The following TLL1 variants were observed in gnomAD, a reference collection of about 807,000 sequenced individuals.
TLL1 encodes the protein tolloid-like protein 1.
In TLL1, 49 loss-of-function variants were observed where a neutral mutation model predicts 128.2. That is an observed-to-expected ratio of 0.38 (90% CI 0.30 to 0.48). TLL1 has a LOEUF of 0.48. TLL1 is among the 20% of genes least tolerant of loss of function. The pLI, the probability that TLL1 is intolerant of heterozygous loss-of-function variation, is 0.96. For synonymous variants in TLL1, 454 were observed against 418.8 expected (o/e 1.08, Z -1.03); for missense variants, 1,123 against 1,242.0 (o/e 0.90, Z 1.44).
At chr4:166,088,702 T>C (rs1035094824) in intron 18 of TLL1, among the ~76,000 whole-genome samples, 2 of 152,128 alleles carry the variant, frequency 1.3e-5, no homozygotes, top group African/African-American at 4.8e-5. Context: ...CTTTGACTAA[T>C]ATGACTCTTA....
chr4:166,057,751 T>G (rs1369043482), intron 14 of TLL1, among the ~76,000 whole-genome samples: 1 of 152,134 alleles, frequency 6.6e-6, no homozygotes, highest in East Asian at 1.9e-4. Context: ...CCAGAAAGCA[T>G]GTGCAGGGGA....
intron 1 of TLL1, among the ~76,000 whole-genome samples, chr4:165,968,392 T>G (rs1427280188): frequency 6.6e-6 from 1 of 152,180 alleles, no homozygotes; most frequent in Non-Finnish European, 1.5e-5. Context: ...CTTTTTCTAT[T>G]CCTATTGCCA....
At chr4:165,970,001 C>G (rs932877853) in intron 1 of TLL1, among the ~76,000 whole-genome samples, 1 of 151,998 alleles carries the variant, frequency 6.6e-6, no homozygotes, top group African/African-American at 2.4e-5. Context: ...CTGTGTAACT[C>G]TAAGGAAATT....
At position 166,083,717 on chromosome 4, in the gene TLL1, AT is replaced by A. The variant is rs1741384743; in HGVS notation, c.2442+5690del. On this transcript the variant is annotated intron_variant, in intron 18 of 20. Transcript: ENST00000061240. ...CACCCATGTTGTTACAAATGACAAG[AT>A]TTCCTTCATTTTGTGGCTGAATATT... is the stretch of plus-strand genomic sequence containing the variant. Among the ~76,000 whole-genome samples, 2 of 65,564 alleles carry A rather than the reference AT, an allele frequency of 3.1e-5. 1 individual carries two copies. Among genetic ancestry groups the A allele is most frequent in the Non-Finnish European group, 9.9e-5 (2 of 20,274 alleles). The allele number at this position is 65,564 out of a possible 152,430, so 43.0% of individuals were successfully genotyped here.
chr4:165,998,065 G>A (rs1736965130), intron 5 of TLL1, among the ~76,000 whole-genome samples: 2 of 152,150 alleles, frequency 1.3e-5, no homozygotes, highest in Admixed American at 6.5e-5. Context: ...GGTAAGAGAG[G>A]AGGTTCTCTA....
At chr4:166,002,973 C>A (rs979976284) in intron 5 of TLL1, among the ~76,000 whole-genome samples, 6 of 151,876 alleles carry the variant, frequency 4.0e-5, no homozygotes, top group Non-Finnish European at 8.8e-5. Context: ...AAGTAGTAAC[C>A]TAAGTAATTA....
intron 12 of TLL1, among the ~76,000 whole-genome samples, chr4:166,052,279 A>C (rs1257791748): frequency 6.6e-6 from 1 of 152,114 alleles, no homozygotes; most frequent in Non-Finnish European, 1.5e-5. Flanking sequence ...ATATGAAGCA[A>C]TGTAATATTA....
At chr4:166,015,961 A>G (rs1737921251) in intron 8 of TLL1, among the ~76,000 whole-genome samples, 1 of 151,894 alleles carries the variant, frequency 6.6e-6, no homozygotes, top group Non-Finnish European at 1.5e-5. Flanking sequence ...AGCTGTATGT[A>G]AAACTTTTTG....
intron 18 of TLL1, among the ~76,000 whole-genome samples, chr4:166,083,292 AC>A (rs984877281): frequency 3.2e-5 from 4 of 123,256 alleles, no homozygotes; most frequent in African/African-American, 1.0e-4. Context: ...GCATGTATTT[AC>A]CATGTACAAT....
intron 10 of TLL1, among the ~76,000 whole-genome samples, chr4:166,040,678 A>T (rs1020678879): frequency 2.6e-5 from 4 of 152,158 alleles, no homozygotes; most frequent in Non-Finnish European, 5.9e-5. Flanking sequence ...CTTGGCTCTC[A>T]CTCTATATCC....
chr4:165,918,894 C>G (rs1732904594), intron 1 of TLL1, among the ~76,000 whole-genome samples: 1 of 152,104 alleles, frequency 6.6e-6, no homozygotes, highest in African/African-American at 2.4e-5. Flanking sequence ...TCCAGTGTAC[C>G]TCAACTGGAC....
At chr4:166,025,941 C>T (rs919691687) in intron 9 of TLL1, among the ~76,000 whole-genome samples, 11 of 151,788 alleles carry the variant, frequency 7.2e-5, no homozygotes, top group Admixed American at 2.6e-4. Context: ...TGAGCCTAGA[C>T]GACCATATGA....
chr4:165,941,603 T>C (rs1482135103), intron 1 of TLL1, among the ~76,000 whole-genome samples: 1 of 152,132 alleles, frequency 6.6e-6, no homozygotes, highest in Non-Finnish European at 1.5e-5. Context: ...ACAAATTGTT[T>C]AGATATTTAA....
rs11307532 is a variant in TLL1 at position 166,001,794 on chromosome 4, CAA to C, written c.633-1583_633-1582del. 3.2e-3 allele frequency among the ~76,000 whole-genome samples: 418 copies of C among 131,782 alleles called. 3 individuals are homozygous for C. In the East Asian group the frequency reaches 0.054, roughly 17 times the overall value. The allele number at this position is 131,782 out of a possible 152,430, so 86.5% of individuals were successfully genotyped here. A position where few individuals can be genotyped will look rare whatever the true frequency, so the allele number is the denominator to read the frequency against. The stretch of plus-strand genomic sequence containing the variant: ...TGGGTGACAAAGCAAAACTCCATCT[CAA>C]AAAAAAAAAAAAAGAAAAATGTCAT... On this transcript the variant is annotated intron_variant, in intron 5 of 20. Transcript: ENST00000061240.
In TLL1 at chr4:166,060,148, T is replaced by C. The variant is rs748040477; in HGVS notation, c.1967T>C (p.Ile656Thr). Residue 656 changes from isoleucine to threonine, a missense_variant, in exon 15 of 21, where the codon ATT (isoleucine) becomes ACT (threonine). By Grantham distance (89) the Ile-to-Thr change is moderately conservative (BLOSUM62 -1). This residue lies in a region of TLL1 where 634 missense variants were observed against 672.4 expected (regional missense o/e 0.94). Transcript: ENST00000061240. ...GTGGTTGCACCAACCCAGTACAGAA[T>C]TTCTGTGAAGTTTGAGTTTTTTGAA... ...WQVVAPTQYRISVKFEFFELE... is the reference protein window; with the variant it reads ...WQVVAPTQYRTSVKFEFFELE... 1 of 1,613,772 alleles carries C rather than the reference T, an allele frequency of 6.2e-7. No homozygotes were observed. The highest frequency in any genetic ancestry group is 1.1e-5 in the South Asian group (1 of 91,074).
chr4:165,887,735 C>A (rs1430015358), intron 1 of TLL1, among the ~76,000 whole-genome samples: 2 of 152,124 alleles, frequency 1.3e-5, no homozygotes, highest in Non-Finnish European at 2.9e-5. Context: ...GGCATTGAAT[C>A]TATGGATTAT....
intron 1 of TLL1, among the ~76,000 whole-genome samples, chr4:165,932,021 G>T (rs1387936046): frequency 1.3e-5 from 2 of 152,104 alleles, no homozygotes; most frequent in African/African-American, 4.8e-5. Flanking sequence ...TGGACAAGTA[G>T]GTGATAAGCA....
chr4:166,041,630 G>A (rs1739245289), intron 10 of TLL1, among the ~76,000 whole-genome samples: 1 of 152,038 alleles, frequency 6.6e-6, no homozygotes, highest in African/African-American at 2.4e-5. Flanking sequence ...TCATTTCCCT[G>A]CTATTGGCCA....
In TLL1 at chr4:165,989,505, T is replaced by C; in HGVS notation, c.280+14T>C. On this transcript the variant is annotated intron_variant, in intron 2 of 20. Coordinates refer to ENST00000061240, the MANE Select transcript of TLL1 (RefSeq NM_012464.5). ...GACATACCACAGGTATGGTTGATTG[T>C]TTCAGAAAATTTGTCTTTATTTTGG... The C allele has an allele frequency of 1.9e-6, 3 of 1,588,448 alleles. No individual in the cohort carries two copies. Among genetic ancestry groups the C allele is most frequent in the Non-Finnish European group, 2.6e-6 (3 of 1,157,482 alleles).
Sources: allele counts gnomAD v4.1 joint callset (sites outside exome capture counted in the v4.1 genomes callset), GRCh38; gene constraint gnomAD v4.1.1; regional missense constraint gnomAD v4.1.1; transcripts MANE v1.5; gene names NCBI Gene and HGNC (gene_info 2026-07-23, HGNC 2026-07-21).